ZNF334: variants seen among roughly 807,000 people sequenced by gnomAD.
ZNF334 encodes zinc finger protein 334.
ZNF334 carries 14 observed loss-of-function variants against 12.4 expected under a neutral mutation model. That is an observed-to-expected ratio of 1.13 (90% CI 0.74 to 1.76). The LOEUF is 1.76. Among genes scored for constraint, ZNF334 ranks in the 40% most tolerant of loss-of-function variants. The pLI, the probability that ZNF334 is intolerant of heterozygous loss-of-function variation, is 0.00. For synonymous variants in ZNF334, 273 were observed against 269.6 expected (o/e 1.01, Z -0.12); for missense variants, 797 against 804.5 (o/e 0.99, Z 0.11).
At chr20:46,487,403 T>C in the ZNF334 span, among the ~76,000 whole-genome samples, 733 of 152,340 alleles carry the variant, frequency 4.8e-3, 1 homozygote, top group Non-Finnish European at 7.1e-3. Context: ...TATACATCTA[T>C]AGAAATCATC....
Position 46,499,759 on chromosome 20 carries a change from A to C in ZNF334, c.*1537T>G, listed in dbSNP as rs1197791352. ...CACAGGAAAAGAGCAAGATCAGTAT[A>C]CACATACACATACATTTAAACATAT... On this transcript the variant is annotated 3_prime_UTR_variant, in exon 5 of 5. Transcript: ENST00000692313. 6.6e-6 allele frequency: 1 copy of C among 152,186 alleles called. No individual in the cohort carries two copies. Among genetic ancestry groups the C allele is most frequent in the African/African-American group, 2.4e-5 (1 of 41,426 alleles). The allele number at this position is 152,186 out of a possible 1,614,324, so 9.4% of individuals were successfully genotyped here.
the ZNF334 span, among the ~76,000 whole-genome samples, chr20:46,469,481 GCCTCAGC>G: frequency 6.6e-6 from 1 of 151,032 alleles, no homozygotes; most frequent in African/African-American, 2.4e-5. Context: ...CCATTCTCCT[GCCTCAGC>G]CTCCTGAGTA....
At chr20:46,463,661 T>C in the ZNF334 span, 5 of 214,216 alleles carry the variant, frequency 2.3e-5, no homozygotes, top group Admixed American at 4.8e-5. Context: ...AAATTCATGT[T>C]ACAAAACACT....
downstream of ZNF334, among the ~76,000 whole-genome samples, chr20:46,494,782 C>T (rs464406): frequency 0.83 from 126,820 of 152,108 alleles, 53,051 homozygotes; most frequent in East Asian, 0.99. Context: ...AGAAAAGTTT[C>T]CTAGGACACA....
the ZNF334 span, chr20:46,484,620 A>G: frequency 6.0e-6 from 1 of 167,442 alleles, no homozygotes; most frequent in Non-Finnish European, 1.5e-5. Context: ...ACAACTGCCC[A>G]TGGGAGAATT....
At chr20:46,507,139 T>C (rs2061461193) in intron 2 of ZNF334, among the ~76,000 whole-genome samples, 1 of 146,662 alleles carries the variant, frequency 6.8e-6, no homozygotes, top group Non-Finnish European at 1.5e-5. Flanking sequence ...TAAATAAGCT[T>C]AAGTAAGTAA....
chr20:46,462,680 T>C, the ZNF334 span, among the ~76,000 whole-genome samples: 1 of 152,236 alleles, frequency 6.6e-6, no homozygotes, highest in Non-Finnish European at 1.5e-5. Context: ...CCCCATTTCT[T>C]TCTTTATATA....
the ZNF334 span, chr20:46,481,307 C>G: frequency 6.6e-6 from 1 of 152,172 alleles, no homozygotes; most frequent in Non-Finnish European, 1.5e-5. Flanking sequence ...ACAGAGGGGA[C>G]CTAAATAACC....
the ZNF334 span, among the ~76,000 whole-genome samples, chr20:46,490,099 T>C: frequency 1.3e-5 from 2 of 152,178 alleles, no homozygotes; most frequent in African/African-American, 2.4e-5. Flanking sequence ...GTTATCAAGA[T>C]ACTGGAAAAT....
At chr20:46,510,536 T>C (rs1347645172) in intron 2 of ZNF334, among the ~76,000 whole-genome samples, 1 of 151,948 alleles carries the variant, frequency 6.6e-6, no homozygotes, top group Non-Finnish European at 1.5e-5. Context: ...CCATCCTGGC[T>C]AACATGGCGA....
At chr20:46,488,419 T>TTTTATATATATATATATATATATATATA in the ZNF334 span, among the ~76,000 whole-genome samples, 66 of 102,184 alleles carry the variant, frequency 6.5e-4, no homozygotes, top group Non-Finnish European at 9.2e-4. Context: ...AGCTCTTATT[T>TTTTATATATATATATATATATATATATA]TATATATATA....
At position 46,501,754 on chromosome 20, in the gene ZNF334, T is replaced by C. The variant is rs764025140; in HGVS notation, c.1585A>G (p.Asn529Asp). 1 of 1,614,150 alleles carries C rather than the reference T, an allele frequency of 6.2e-7. No individual in the cohort carries two copies. The highest frequency in any genetic ancestry group is 1.1e-5 in the South Asian group (1 of 91,084). ...CTCTGATGTACAATGAGGTGTGAGT[T>C]TTTGCTGACGGCATGCCCATGTTCA... ...CSEHGHAVSK[N>D]SHLIVHQRTI... is the part of the protein sequence containing the mutation. The change falls in exon 5 of 5, where the codon AAC becomes GAC. Residue 529 changes from asparagine to aspartate, a missense_variant. Physicochemically the swap from Asn to Asp is conservative, Grantham distance 23 (BLOSUM62 1). Transcript: ENST00000692313.
chr20:46,469,408 G>A, the ZNF334 span, among the ~76,000 whole-genome samples: 2 of 147,158 alleles, frequency 1.4e-5, no homozygotes, highest in Non-Finnish European at 3.0e-5. Context: ...TCGCTCTGTC[G>A]CCCAGGCTGG....
intron 2 of ZNF334, 100 bp from the exon 3 acceptor site, chr20:46,504,840 C>T: frequency 3.8e-6 from 4 of 1,051,536 alleles, no homozygotes; most frequent in Non-Finnish European, 5.3e-6. Context: ...TAATGGAAAG[C>T]TATAGAGAGA....
the ZNF334 span, among the ~76,000 whole-genome samples, chr20:46,482,292 A>C: frequency 6.6e-6 from 1 of 152,202 alleles, no homozygotes; most frequent in South Asian, 2.1e-4. Flanking sequence ...TTTAGGGCCC[A>C]ATGTTTAGAA....
the ZNF334 span, chr20:46,477,094 C>T: frequency 2.0e-5 from 3 of 152,118 alleles, no homozygotes; most frequent in African/African-American, 4.8e-5. Flanking sequence ...GACACTAGAG[C>T]TAAAGGCTTT....
At chr20:46,471,581 T>C in the ZNF334 span, among the ~76,000 whole-genome samples, 3 of 152,234 alleles carry the variant, frequency 2.0e-5, no homozygotes, top group African/African-American at 7.2e-5. Flanking sequence ...AATGCTTTGT[T>C]TTACTTTTCA....
At chr20:46,512,430 A>G (rs1370369408) in intron 1 of ZNF334, 110 bp downstream of exon 1, 1 of 226,340 alleles carries the variant, frequency 4.4e-6, no homozygotes, top group Non-Finnish European at 8.8e-6. Flanking sequence ...ATAGGAGACT[A>G]GGTCAACGAA....
rs1156803346 is a variant in ZNF334, at chr20:46,501,909, G to GT, written c.1429dup (p.Thr477AsnfsTer16). The GT allele has an allele frequency of 9.9e-6, 16 of 1,613,662 alleles. No homozygotes were observed. The highest frequency in any genetic ancestry group is 1.3e-5 in the African/African-American group (1 of 74,808). Reference sequence around the variant, plus strand: ...TCCTGTGTGTGTTCTCTGATGTATAGTGAGTGTTGACTTATGGCAGAAAAA... The same window carrying GT: ...TCCTGTGTGTGTTCTCTGATGTATAGTTGAGTGTTGACTTATGGCAGAAAAA... On this transcript the variant is annotated frameshift_variant, in exon 5 of 5. Coordinates refer to ENST00000692313, the MANE Select transcript of ZNF334 (RefSeq NM_001353824.2). LOFTEE classifies it low-confidence loss of function (END_TRUNC).
Sources: gnomAD v4.1 joint callset for allele counts (sites outside exome capture counted in the v4.1 genomes callset) on GRCh38, gnomAD v4.1.1 for gene constraint, MANE v1.5 for transcripts, NCBI Gene and HGNC (gene_info 2026-07-23, HGNC 2026-07-21) for gene names.